The following FA2H variants were observed in gnomAD, a reference collection of about 807,000 sequenced individuals.
FA2H encodes the protein fatty acid alpha-hydroxylase.
A neutral mutation model predicts 44.9 loss-of-function variants in FA2H; 22 were observed. That is an observed-to-expected ratio of 0.49 (90% CI 0.35 to 0.70). FA2H has a LOEUF of 0.70. FA2H is among the 30% of genes least tolerant of loss of function. The pLI is 0.01. For synonymous variants in FA2H, 243 were observed against 213.2 expected (o/e 1.14, Z -1.22); for missense variants, 501 against 504.9 (o/e 0.99, Z 0.07).
Position 74,726,254 on chromosome 16 carries a change from T to C in FA2H, c.584A>G (p.Asn195Ser), listed in dbSNP as rs1483551228. 6.2e-7 allele frequency: 1 copy of C among 1,613,984 alleles called. No individual in the cohort carries two copies. Among genetic ancestry groups the C allele is most frequent in the South Asian group, 1.1e-5 (1 of 91,048 alleles). The change falls in exon 4 of 7, where the codon AAC becomes AGC. Residue 195 changes from asparagine (N) to serine (S), a missense_variant. Physicochemically the swap from Asn to Ser is conservative, Grantham distance 46 (BLOSUM62 1). Coordinates refer to ENST00000219368, the MANE Select transcript of FA2H (RefSeq NM_024306.5). ...WSYYRTFAQG[N>S]VRLFTSFTTE... ...TGTAAATGACGTGAAGAGTCGGACG[T>C]TGCCCTGGGCAAAGGTTCGGTAGTA... is the stretch of plus-strand genomic sequence containing the variant.
At chr16:74,715,599 A>T (rs983270144) in intron 6 of FA2H, among the ~76,000 whole-genome samples, 6 of 152,160 alleles carry the variant, frequency 3.9e-5, no homozygotes, top group Non-Finnish European at 7.4e-5. Context: ...GCCATTAATG[A>T]TTTTTTAATG....
Position 74,740,234 on chromosome 16 carries a change from G to A in FA2H, c.271-119C>T, listed in dbSNP as rs1029705648. 41 of 788,310 alleles carry A rather than the reference G, an allele frequency of 5.2e-5. No homozygotes were observed. The East Asian group carries it at 1.0e-3, about 19-fold the overall frequency. 48.8% of individuals were successfully genotyped at this position (788,310 alleles called of 1,614,324 possible). On this transcript the variant is annotated intron_variant, in intron 1 of 6. Coordinates refer to ENST00000219368, the MANE Select transcript of FA2H (RefSeq NM_024306.5). The stretch of plus-strand genomic sequence containing the variant: ...GAGAGCCCCGTGGGTGGGGCAGGGT[G>A]GTGGAGATCAAGGACGCTGGGTACT...
chr16:74,771,849 C>A (rs1416021742), intron 1 of FA2H, among the ~76,000 whole-genome samples: 1 of 152,106 alleles, frequency 6.6e-6, no homozygotes, highest in Non-Finnish European at 1.5e-5. Context: ...TCTCCTCACA[C>A]CCACTTAGGC....
At chr16:74,738,479 C>T (rs1597554926) in intron 2 of FA2H, among the ~76,000 whole-genome samples, 1 of 152,162 alleles carries the variant, frequency 6.6e-6, no homozygotes, top group East Asian at 1.9e-4. Flanking sequence ...GCTGGATCTC[C>T]CGTCCCCAGC....
At chr16:74,727,008 A>G (rs1961973362) in intron 3 of FA2H, among the ~76,000 whole-genome samples, 1 of 152,224 alleles carries the variant, frequency 6.6e-6, no homozygotes, top group Non-Finnish European at 1.5e-5. Flanking sequence ...AGTCTGGAAT[A>G]GACCAGAGGT....
Position 74,726,287 on chromosome 16 carries a change from C to A in FA2H, c.551G>T (p.Ser184Ile), listed in dbSNP as rs757444137. Residue 184 changes from serine to isoleucine, a missense_variant, in exon 4 of 7, where the codon AGC (serine) becomes ATC (isoleucine). Physicochemically the swap from Ser to Ile is moderately radical, Grantham distance 142 (BLOSUM62 -2). Transcript: ENST00000219368. ...GGCAAAGGTTCGGTAGTAGGACCAGCTGAGATACAGCACCAGGGGCACCCA... is the reference window on the plus strand; with the variant it reads ...GGCAAAGGTTCGGTAGTAGGACCAGATGAGATACAGCACCAGGGGCACCCA... ...IIWVPLVLYL[S>I]WSYYRTFAQG... is the part of the protein sequence containing the mutation. 1.2e-6 allele frequency: 2 copies of A among 1,614,086 alleles called. No individual in the cohort carries two copies. The highest frequency in any genetic ancestry group is 1.7e-6 in the Non-Finnish European group (2 of 1,180,006).
intron 4 of FA2H, among the ~76,000 whole-genome samples, chr16:74,721,792 A>G (rs1421377206): frequency 2.6e-5 from 4 of 152,098 alleles, no homozygotes; most frequent in Non-Finnish European, 5.9e-5. Flanking sequence ...TCCCCTCCAC[A>G]TACTTCCCCC....
chr16:74,725,420 C>T (rs902594984), intron 4 of FA2H, among the ~76,000 whole-genome samples: 1 of 152,306 alleles, frequency 6.6e-6, no homozygotes, highest in Non-Finnish European at 1.5e-5. Context: ...GCTGTCCCAG[C>T]GGCTATACTT....
chr16:74,744,952 C>A (rs1398043272), intron 1 of FA2H, among the ~76,000 whole-genome samples: 1 of 152,148 alleles, frequency 6.6e-6, no homozygotes, highest in African/African-American at 2.4e-5. Flanking sequence ...TGTAGTTAGA[C>A]CCACACTGGC....
chr16:74,731,529 CTTCT>C (rs1267538763), intron 2 of FA2H, among the ~76,000 whole-genome samples: 1 of 151,926 alleles, frequency 6.6e-6, no homozygotes, highest in East Asian at 1.9e-4. Context: ...TCATTCTTTC[CTTCT>C]TTTTTTGAGA....
At chr16:74,758,328 G>A (rs1010047048) in intron 1 of FA2H, among the ~76,000 whole-genome samples, 1 of 151,654 alleles carries the variant, frequency 6.6e-6, no homozygotes, top group African/African-American at 2.4e-5. Flanking sequence ...CACTATGTTG[G>A]CCAGACTGGT....
chr16:74,716,719 T>G, intron 5 of FA2H, 120 bp from the exon 6 acceptor site: 1 of 1,192,870 alleles, frequency 8.4e-7, no homozygotes, highest in Non-Finnish European at 1.1e-6. Context: ...CTGCGTAGGC[T>G]TGGCACCTTT....
Position 74,774,654 on chromosome 16 carries a change from G to T in FA2H, c.102C>A (p.Tyr34Ter). ...GGTGCCGCACGAAGCTGGAGAGGTC[G>T]TAGAGGCGGGCCCCGCGGCGGACCC... The part of the protein sequence containing the change: ...ACWVRRGARL[Y>*]DLSSFVRHHP... The change falls in exon 1 of 7, where the codon TAC (tyrosine) becomes TAA (stop). Residue 34 changes from tyrosine (Y) to a stop codon, truncating the protein, a stop_gained. Coordinates refer to ENST00000219368, the MANE Select transcript of FA2H (RefSeq NM_024306.5). LOFTEE classifies it high-confidence loss of function. The T allele has an allele frequency of 1.4e-6, 2 of 1,457,652 alleles. No individual in the cohort carries two copies. Among genetic ancestry groups the T allele is most frequent in the Non-Finnish European group, 1.8e-6 (2 of 1,109,156 alleles). The allele number at this position is 1,457,652 out of a possible 1,614,324, so 90.3% of individuals were successfully genotyped here. A position where few individuals can be genotyped will look rare whatever the true frequency, so the allele number is the denominator to read the frequency against.
At chr16:74,757,905 G>A (rs1234882379) in intron 1 of FA2H, among the ~76,000 whole-genome samples, 1 of 152,098 alleles carries the variant, frequency 6.6e-6, no homozygotes, top group African/African-American at 2.4e-5. Context: ...TGTAGTCCCA[G>A]CTATTTGGGA....
At chr16:74,745,799 A>ATTTTTTTTTTTTTTTTTTTTT (rs11365398) in intron 1 of FA2H, among the ~76,000 whole-genome samples, 2 of 72,428 alleles carry the variant, frequency 2.8e-5, no homozygotes, top group African/African-American at 5.0e-5. Context: ...CTGTCAATGG[A>ATTTTTTTTTTTTTTTTTTTTT]TTTTTTTTTT....
intron 1 of FA2H, among the ~76,000 whole-genome samples, chr16:74,749,137 G>A (rs1430255494): frequency 1.3e-5 from 2 of 152,170 alleles, no homozygotes; most frequent in East Asian, 3.9e-4. Flanking sequence ...CACCTCTGCG[G>A]CCCCCAGGGA....
intron 1 of FA2H, among the ~76,000 whole-genome samples, chr16:74,751,801 G>C (rs1337118438): frequency 6.6e-6 from 1 of 152,160 alleles, no homozygotes; most frequent in African/African-American, 2.4e-5. Flanking sequence ...TTTGTCCAGT[G>C]ATGGAAATGT....
At chr16:74,744,379 CAA>C (rs200870114) in intron 1 of FA2H, among the ~76,000 whole-genome samples, 2,771 of 150,826 alleles carry the variant, frequency 0.018, 54 homozygotes, top group Non-Finnish European at 0.026. Flanking sequence ...CTTTAAAAAC[CAA>C]AAAGTGCCTC....
intron 1 of FA2H, among the ~76,000 whole-genome samples, chr16:74,741,991 C>G (rs113614069): frequency 6.6e-6 from 1 of 151,730 alleles, no homozygotes; most frequent in African/African-American, 2.4e-5. Flanking sequence ...GTGACAGCAG[C>G]TCAATAATCC....
Sources: gnomAD v4.1 joint callset for allele counts (sites outside exome capture counted in the v4.1 genomes callset) on GRCh38, gnomAD v4.1.1 for gene constraint, MANE v1.5 for transcripts, NCBI Gene and HGNC (gene_info 2026-07-23, HGNC 2026-07-21) for gene names.